TAP2: variants seen among roughly 807,000 people sequenced by gnomAD.
TAP2 encodes transporter 2, ATP binding cassette subfamily B member.
TAP2 carries 49 observed loss-of-function variants against 74.7 expected under a neutral mutation model. The ratio of observed to expected loss-of-function variants is 0.66; its 90% CI spans 0.52 to 0.83. The LOEUF (loss-of-function observed/expected upper bound fraction) is 0.83, where lower values mean the gene tolerates loss of function less well. Among genes scored for constraint, TAP2 ranks in the 40% least tolerant of loss-of-function variants. The pLI is 0.00. For synonymous variants in TAP2, 306 were observed against 368.4 expected (o/e 0.83, Z 1.94); for missense variants, 739 against 859.0 (o/e 0.86, Z 1.75).
rs75817604 is a variant in TAP2, at chr6:32,828,733, C to T, written c.*173G>A. The T allele has an allele frequency of 3.8e-6, 4 of 1,062,358 alleles. No homozygotes were observed. The East Asian group carries it at 2.6e-4, about 68-fold the overall frequency. The allele number at this position is 1,062,358 out of a possible 1,614,324, so 65.8% of individuals were successfully genotyped here. On this transcript the variant is annotated 3_prime_UTR_variant, in exon 12 of 12. Coordinates refer to ENST00000374897, the MANE Select transcript of TAP2 (RefSeq NM_001290043.2). ...CACCAAAAGCACACAGTGTCCAAATCTCCATCGTGCCTGCAACTCAGGAAC... is the reference window on the plus strand; with the variant it reads ...CACCAAAAGCACACAGTGTCCAAATTTCCATCGTGCCTGCAACTCAGGAAC...
chr6:32,835,925 C>CACAGAGAGAGAAGAGGTAAGGAAT lies in TAP2; in HGVS notation c.609-176_609-153dup, dbSNP rs1769391030. 4.3e-6 allele frequency: 4 copies of CACAGAGAGAGAAGAGGTAAGGAAT among 920,368 alleles called. No individual in the cohort carries two copies. Among genetic ancestry groups the CACAGAGAGAGAAGAGGTAAGGAAT allele is most frequent in the Non-Finnish European group, 6.7e-6 (4 of 595,480 alleles). The allele number at this position is 920,368 out of a possible 1,614,324, so 57.0% of individuals were successfully genotyped here. ...AAGAGAAAGAAATGAGAGACAGACA[C>CACAGAGAGAGAAGAGGTAAGGAAT]ACAGAGAGAGAAGAGGTAAGGAATA... On this transcript the variant is annotated intron_variant, in intron 3 of 11. Coordinates refer to ENST00000374897, the MANE Select transcript of TAP2 (RefSeq NM_001290043.2). This position sits in a 1 kb window ranked among gnomAD's most constrained non-coding sequence, Gnocchi z 4.0.
chr6:32,835,377 G>A lies in TAP2; in HGVS notation c.740-18C>T. The A allele has an allele frequency of 2.5e-6, 4 of 1,612,952 alleles. No homozygotes were observed. In the African/African-American group the frequency reaches 4.0e-5, roughly 16 times the overall value. The stretch of plus-strand genomic sequence containing the variant: ...CAGCTCCCCTAAGAAGGACAGAGCA[G>A]GTGAGGAAAAAGGAAACCATGTGTA... On this transcript the variant is annotated intron_variant, in intron 4 of 11. Coordinates refer to ENST00000374897, the MANE Select transcript of TAP2 (RefSeq NM_001290043.2). The surrounding 1 kb of genome is among the most constrained non-coding windows in gnomAD (Gnocchi z 4.0).
At chr6:32,823,514 T>C (rs56105263), downstream of TAP2, among the ~76,000 whole-genome samples, 9,906 of 150,876 alleles carry the variant, frequency 0.066, 632 homozygotes, top group African/African-American at 0.17. Flanking sequence ...TGCTTCCCTT[T>C]TGTTTGCCTT....
intron 5 of TAP2, among the ~76,000 whole-genome samples, chr6:32,834,726 G>A (rs1029255234): frequency 6.6e-5 from 10 of 152,164 alleles, no homozygotes; most frequent in African/African-American, 2.4e-4. Flanking sequence ...TCCTGATGAC[G>A]CCTCCTTTCC....
In TAP2 at chr6:32,828,245, T is replaced by C; in HGVS notation, c.*661A>G. The C allele has an allele frequency of 1.0e-6, 1 of 982,246 alleles. No homozygotes were observed. Among genetic ancestry groups the C allele is most frequent in the Non-Finnish European group, 1.2e-6 (1 of 827,046 alleles). 60.8% of individuals were successfully genotyped at this position (982,246 alleles called of 1,614,324 possible). A position where few individuals can be genotyped will look rare whatever the true frequency, so the allele number is the denominator to read the frequency against. ...ACACTTAGCATAGCTCCTACTCCCA[T>C]TAAAACTCTATAAATGGTAGCTGTT... On this transcript the variant is annotated 3_prime_UTR_variant, in exon 12 of 12. Coordinates refer to ENST00000374897, the MANE Select transcript of TAP2 (RefSeq NM_001290043.2).
Position 32,826,550 on chromosome 6 carries a change from C to T in TAP2, c.*2356G>A, listed in dbSNP as rs938003227. 1.1e-5 allele frequency: 11 copies of T among 985,166 alleles called. No homozygotes were observed. The highest frequency in any genetic ancestry group is 6.2e-5 in the Admixed American group (1 of 16,252). 61.0% of individuals were successfully genotyped at this position (985,166 alleles called of 1,614,324 possible). A position where few individuals can be genotyped will look rare whatever the true frequency, so the allele number is the denominator to read the frequency against. ...CTTACAGGAATTTGTCTGTCTAGCC[C>T]GAATATTTTGACTTTCAGGGAGCAT... On this transcript the variant is annotated 3_prime_UTR_variant, in exon 12 of 12. Coordinates refer to ENST00000374897, the MANE Select transcript of TAP2 (RefSeq NM_001290043.2).
chr6:32,826,409 A>T lies in TAP2; in HGVS notation c.*2497T>A. The T allele has an allele frequency of 6.1e-6, 6 of 985,382 alleles. No individual in the cohort carries two copies. The highest frequency in any genetic ancestry group is 7.2e-6 in the Non-Finnish European group (6 of 829,926). 61.0% of individuals were successfully genotyped at this position (985,382 alleles called of 1,614,324 possible). On this transcript the variant is annotated 3_prime_UTR_variant, in exon 12 of 12. Transcript: ENST00000374897. ...AAGATACTGCAGGTAAGCGACAAGA[A>T]GGGGAAATTACAGGGTAAGGAGATC...
rs1769496807 is a variant in TAP2 at position 32,837,563 on chromosome 6, G to C, written c.582C>G (p.Phe194Leu). 6.2e-7 allele frequency: 1 copy of C among 1,614,098 alleles called. No homozygotes were observed. Among genetic ancestry groups the C allele is most frequent in the Admixed American group, 1.7e-5 (1 of 60,030 alleles). ...FDPHAFASAI[F>L]FMCLFSFGSS... Reference sequence around the variant, plus strand: ...TGCCAAAGGAGAAGAGGCACATGAAGAAGATGGCACTGGCAAAGGCATGGG... The same window carrying C: ...TGCCAAAGGAGAAGAGGCACATGAACAAGATGGCACTGGCAAAGGCATGGG... Residue 194 changes from phenylalanine to leucine, a missense_variant, in exon 3 of 12, where the codon TTC becomes TTG. Transcript: ENST00000374897.
chr6:32,834,635 A>G (rs993731898), intron 5 of TAP2, among the ~76,000 whole-genome samples: 3 of 152,226 alleles, frequency 2.0e-5, no homozygotes, highest in African/African-American at 7.2e-5. Flanking sequence ...AATGGTTGAA[A>G]TGGTAAATTT....
chr6:32,828,606 C>T lies in TAP2; in HGVS notation c.*300G>A. Reference sequence around the variant, plus strand: ...AATATTTTAAAATATATGTATTATGCCACAAAATACTCCTCATCACCAGGC... The same window carrying T: ...AATATTTTAAAATATATGTATTATGTCACAAAATACTCCTCATCACCAGGC... On this transcript the variant is annotated 3_prime_UTR_variant, in exon 12 of 12. Transcript: ENST00000374897. The T allele has an allele frequency of 1.8e-6, 2 of 1,092,656 alleles. No homozygotes were observed. The highest frequency in any genetic ancestry group is 2.2e-6 in the Non-Finnish European group (2 of 896,180). The allele number at this position is 1,092,656 out of a possible 1,614,324, so 67.7% of individuals were successfully genotyped here.
In TAP2 at chr6:32,835,712, GCAAGTTGATTCGAGAC is replaced by G; in HGVS notation, c.654_669del (p.Met218IlefsTer27). 1 of 1,613,092 alleles carries G rather than the reference GCAAGTTGATTCGAGAC, an allele frequency of 6.2e-7. No homozygotes were observed. Among genetic ancestry groups the G allele is most frequent in the Non-Finnish European group, 8.5e-7 (1 of 1,180,038 alleles). On this transcript the variant is annotated frameshift_variant, in exon 4 of 12. Transcript: ENST00000374897. LOFTEE classifies it high-confidence loss of function. The surrounding 1 kb of genome is among the most constrained non-coding windows in gnomAD (Gnocchi z 4.0). ...GAGGAGAAAAGCTGCTCCCGGATCC[GCAAGTTGATTCGAGAC>G]ATGGTGTAGGTGAAGCAGCCTCCTC... is the stretch of plus-strand genomic sequence containing the variant.
Position 32,826,913 on chromosome 6 carries a change from T to C in TAP2, c.*1993A>G, listed in dbSNP as rs1024201223. ...TACAGGAATTATTATTCCTGTTTTA[T>C]GAATAAAGGACATTTGTGGGAGAGA... On this transcript the variant is annotated 3_prime_UTR_variant, in exon 12 of 12. Transcript: ENST00000374897. 5 of 985,434 alleles carry C rather than the reference T, an allele frequency of 5.1e-6. No homozygotes were observed. Among genetic ancestry groups the C allele is most frequent in the Non-Finnish European group, 6.0e-6 (5 of 829,932 alleles). 61.0% of individuals were successfully genotyped at this position (985,434 alleles called of 1,614,324 possible). A position where few individuals can be genotyped will look rare whatever the true frequency, so the allele number is the denominator to read the frequency against.
chr6:32,827,640 A>C lies in TAP2; in HGVS notation c.*1266T>G. 1 of 750,012 alleles carries C rather than the reference A, an allele frequency of 1.3e-6. No individual in the cohort carries two copies. Among genetic ancestry groups the C allele is most frequent in the African/African-American group, 1.9e-5 (1 of 53,744 alleles). The allele number at this position is 750,012 out of a possible 1,614,324, so 46.5% of individuals were successfully genotyped here. ...TCGAGCAGAAAATGGGCAAGAAAAC[A>C]CCATATGCAAAGGCACAAAGGTGTT... On this transcript the variant is annotated 3_prime_UTR_variant, in exon 12 of 12. Coordinates refer to ENST00000374897, the MANE Select transcript of TAP2 (RefSeq NM_001290043.2).
intron 3 of TAP2, among the ~76,000 whole-genome samples, chr6:32,837,006 G>C (rs566994924): frequency 2.6e-5 from 4 of 152,204 alleles, no homozygotes; most frequent in Non-Finnish European, 5.9e-5. Context: ...TTGTTTGTTT[G>C]AGTATGTCTA....
At position 32,829,962 on chromosome 6, in the gene TAP2, A is replaced by G. The variant is rs760163266; in HGVS notation, c.1763T>C (p.Phe588Ser). ...AAAQAAHADD[F>S]IQEMEHGIYT... is the part of the protein sequence containing the mutation. ...TATTCCATGCTCCATTTCCTGGATG[A>G]AGTCATCTGCGTGGGCAGCCTGGGC... Residue 588 changes from phenylalanine to serine, a missense_variant, in exon 10 of 12, where the codon TTC becomes TCC. Transcript: ENST00000374897. 3 of 1,612,980 alleles carry G rather than the reference A, an allele frequency of 1.9e-6. No homozygotes were observed. The highest frequency in any genetic ancestry group is 2.5e-6 in the Non-Finnish European group (3 of 1,180,026).
chr6:32,827,669 G>A lies in TAP2; in HGVS notation c.*1237C>T. ...TATGCAAAGGCACAAAGGTGTTGGG[G>A]AAGGCAGAAGTTTGTCGTGGAGCTG... On this transcript the variant is annotated 3_prime_UTR_variant, in exon 12 of 12. Transcript: ENST00000374897. 1 of 884,708 alleles carries A rather than the reference G, an allele frequency of 1.1e-6. No homozygotes were observed. Among genetic ancestry groups the A allele is most frequent in the Admixed American group, 6.2e-5 (1 of 16,122 alleles). 54.8% of individuals were successfully genotyped at this position (884,708 alleles called of 1,614,324 possible). A position where few individuals can be genotyped will look rare whatever the true frequency, so the allele number is the denominator to read the frequency against.
chr6:32,830,148 T>C, intron 9 of TAP2, 59 bp from the exon 10 acceptor site: 1 of 1,612,666 alleles, frequency 6.2e-7, no homozygotes, highest in South Asian at 1.1e-5. Flanking sequence ...AGGGGCCCTT[T>C]TGTCCTCCCC....
At chr6:32,834,450 C>A (rs981302599) in intron 5 of TAP2, among the ~76,000 whole-genome samples, 1 of 152,146 alleles carries the variant, frequency 6.6e-6, no homozygotes, top group Non-Finnish European at 1.5e-5. Flanking sequence ...TTCATGGAGA[C>A]AGAAGGTACA....
In TAP2 at chr6:32,832,669, C is replaced by T. The variant is rs781370484; in HGVS notation, c.1101G>A (p.Trp367Ter). The stretch of plus-strand genomic sequence containing the variant: ...ACAAGGCGCGTTCCAGGTCTCTCCG[C>T]CAATACAGCTGCCGACATTGTTCAA... ...EALEQCRQLY[W>*]RRDLERALYL... is the part of the protein sequence containing the mutation. Residue 367 changes from tryptophan (W) to a stop codon, truncating the protein, a stop_gained, in exon 6 of 12, where the codon TGG becomes TGA. Transcript: ENST00000374897. LOFTEE classifies it high-confidence loss of function. This position sits in a 1 kb window ranked among gnomAD's most constrained non-coding sequence, Gnocchi z 5.9. 2.5e-6 allele frequency: 4 copies of T among 1,613,100 alleles called. No homozygotes were observed. Among genetic ancestry groups the T allele is most frequent in the Non-Finnish European group, 3.4e-6 (4 of 1,180,040 alleles).
Sources: gnomAD v4.1 joint callset for allele counts (sites outside exome capture counted in the v4.1 genomes callset) on GRCh38, gnomAD v4.1.1 for gene constraint, Gnocchi (gnomAD v3.1) non-coding constraint, MANE v1.5 for transcripts, NCBI Gene and HGNC (gene_info 2026-07-23, HGNC 2026-07-21) for gene names.